Variants in ABCC1 observed in about 807,000 individuals in gnomAD.
The protein encoded by ABCC1 is ATP binding cassette subfamily C member 1 (ABCC1 blood group).
ABCC1 carries 83 observed loss-of-function variants against 172.9 expected under a neutral mutation model. The observed-to-expected ratio is 0.48, with a 90% CI of 0.40 to 0.58. ABCC1 has a LOEUF of 0.58. ABCC1 is among the 20% of genes least tolerant of loss of function. The probability of loss-of-function intolerance (pLI) is 0.00; values close to 1 mark genes in which losing one functional copy is unlikely to be tolerated. For synonymous variants in ABCC1, 937 were observed against 825.2 expected, an observed-to-expected ratio of 1.14 and a Z score of -2.32; for missense variants, 1,817 against 2,002.7, an observed-to-expected ratio of 0.91 and a Z score of 1.77.
chr16:16,136,981 C>T (rs1470791450), intron 29 of ABCC1, among the ~76,000 whole-genome samples: 2 of 152,180 alleles, frequency 1.3e-5, no homozygotes, highest in African/African-American at 4.8e-5. Context: ...GGTCCCCATG[C>T]ACTACCCCAG....
At chr16:16,029,217 TTTTTC>T (rs2048478398) in intron 5 of ABCC1, among the ~76,000 whole-genome samples, 1 of 152,110 alleles carries the variant, frequency 6.6e-6, no homozygotes, top group Non-Finnish European at 1.5e-5. Flanking sequence ...CCATGAGCTC[TTTTTC>T]TTTTCTTTTT....
At chr16:16,091,475 G>A (rs1205214370) in intron 19 of ABCC1, among the ~76,000 whole-genome samples, 1 of 152,044 alleles carries the variant, frequency 6.6e-6, no homozygotes, top group Non-Finnish European at 1.5e-5. Context: ...CAATGCCATG[G>A]GCTGAGGAGT....
intron 1 of ABCC1, among the ~76,000 whole-genome samples, chr16:15,980,040 C>T (rs2046585065): frequency 1.3e-5 from 2 of 151,938 alleles, no homozygotes; most frequent in South Asian, 2.1e-4. Flanking sequence ...GAGAGTGAGA[C>T]ATCGAAAAAA....
At chr16:16,071,293 T>C (rs917564216) in intron 13 of ABCC1, among the ~76,000 whole-genome samples, 7 of 151,276 alleles carry the variant, frequency 4.6e-5, no homozygotes, top group African/African-American at 1.7e-4. Context: ...AGGCGGGGTT[T>C]CACCATGTTG....
Position 16,009,722 on chromosome 16 carries a change from T to TG in ABCC1, c.226-49dup, listed in dbSNP as rs1216118575. ...GGGGCTGAGCTGTTCGTGCAGGCCC[T>TG]GGGGGAGGTTCCAGGGCGGTCTGTT... is the stretch of plus-strand genomic sequence containing the variant. On this transcript the variant is annotated intron_variant, in intron 2 of 30. Coordinates refer to ENST00000399410, the MANE Select transcript of ABCC1 (RefSeq NM_004996.4). 2.9e-5 allele frequency: 44 copies of TG among 1,513,474 alleles called. No individual in the cohort carries two copies. In the Middle Eastern group the frequency reaches 5.4e-4, roughly 18 times the overall value. The allele number at this position is 1,513,474 out of a possible 1,614,324, so 93.8% of individuals were successfully genotyped here. A position where few individuals can be genotyped will look rare whatever the true frequency, so the allele number is the denominator to read the frequency against.
chr16:16,090,736 CA>C, intron 19 of ABCC1, 148 bp downstream of exon 19: 1 of 878,084 alleles, frequency 1.1e-6, no homozygotes, highest in Non-Finnish European at 1.6e-6. Context: ...CCTAAAGAAG[CA>C]ATGTGGAAAA....
intron 2 of ABCC1, 104 bp downstream of exon 2, chr16:16,008,096 A>T (rs1202295422): frequency 1.7e-6 from 2 of 1,192,684 alleles, no homozygotes; most frequent in African/African-American, 3.1e-5. Flanking sequence ...GTTGACCCTA[A>T]GTTCCTTCTT....
intron 7 of ABCC1, among the ~76,000 whole-genome samples, chr16:16,040,009 G>T (rs535476448): frequency 3.9e-5 from 6 of 152,198 alleles, no homozygotes; most frequent in East Asian, 3.9e-4. Context: ...GAACACAGGC[G>T]CAGGTTTTCT....
intron 1 of ABCC1, among the ~76,000 whole-genome samples, chr16:15,960,431 A>G (rs988147067): frequency 6.6e-6 from 1 of 151,950 alleles, no homozygotes; most frequent in African/African-American, 2.4e-5. Context: ...CTTTTCATTC[A>G]TTCATTTATT....
chr16:15,954,560 G>C (rs999511612), intron 1 of ABCC1, among the ~76,000 whole-genome samples: 2 of 58,684 alleles, frequency 3.4e-5, no homozygotes, highest in African/African-American at 1.3e-4. Context: ...CTGGGCAGGA[G>C]TGGACTCAGG....
chr16:16,036,460 T>A lies in ABCC1; in HGVS notation c.678-12T>A. On this transcript the variant is annotated splice_polypyrimidine_tract_variant and intron_variant, in intron 6 of 30. Transcript: ENST00000399410. Reference sequence around the variant, plus strand: ...ACTCTCATTGCCTAACCCCCTTGTGTCTTGGCCCCAGGTTGATTGTCCGGG... The same window carrying A: ...ACTCTCATTGCCTAACCCCCTTGTGACTTGGCCCCAGGTTGATTGTCCGGG... 1 of 1,610,956 alleles carries A rather than the reference T, an allele frequency of 6.2e-7. No individual in the cohort carries two copies. Among genetic ancestry groups the A allele is most frequent in the Non-Finnish European group, 8.5e-7 (1 of 1,178,440 alleles).
chr16:16,121,019 A>C (rs958418194), intron 23 of ABCC1, among the ~76,000 whole-genome samples: 9 of 152,224 alleles, frequency 5.9e-5, no homozygotes, highest in African/African-American at 2.2e-4. Context: ...TTATCTACAG[A>C]AACAGCTATT....
intron 5 of ABCC1, among the ~76,000 whole-genome samples, chr16:16,023,222 A>G (rs1051478795): frequency 2.6e-5 from 4 of 152,120 alleles, no homozygotes; most frequent in Admixed American, 6.6e-5. Context: ...TTTTTTTGAT[A>G]TCTGAAACTT....
At chr16:16,110,942 C>T (rs2052359992) in intron 21 of ABCC1, among the ~76,000 whole-genome samples, 1 of 152,120 alleles carries the variant, frequency 6.6e-6, no homozygotes, top group Non-Finnish European at 1.5e-5. Flanking sequence ...ACTCTGTCGC[C>T]CAGGCTGGAG....
intron 5 of ABCC1, among the ~76,000 whole-genome samples, chr16:16,020,789 A>G (rs1418519276): frequency 2.0e-5 from 3 of 152,196 alleles, no homozygotes; most frequent in Non-Finnish European, 2.9e-5. Context: ...GGCTAGCACT[A>G]TGCTAAGTTC....
At chr16:15,979,280 A>G (rs2046563950) in intron 1 of ABCC1, among the ~76,000 whole-genome samples, 1 of 151,856 alleles carries the variant, frequency 6.6e-6, no homozygotes, top group African/African-American at 2.4e-5. Flanking sequence ...ACAGAGCAAG[A>G]CTCTGTCTCA....
rs1417219009 is a variant in ABCC1, at chr16:16,142,827, G to A, written c.*1546G>A. 3.3e-5 allele frequency: 5 copies of A among 152,534 alleles called. No individual in the cohort carries two copies. Among genetic ancestry groups the A allele is most frequent in the African/African-American group, 9.7e-5 (4 of 41,422 alleles). The allele number at this position is 152,534 out of a possible 1,614,324, so 9.4% of individuals were successfully genotyped here. On this transcript the variant is annotated 3_prime_UTR_variant, in exon 31 of 31. Coordinates refer to ENST00000399410, the MANE Select transcript of ABCC1 (RefSeq NM_004996.4). ...CTCGTTAGAGCCCAAAGTGGAATCC[G>A]GAAGGCAGCCAGAGCTGAGGCTGCC...
At chr16:16,132,288 G>A (rs1198204586) in intron 27 of ABCC1, among the ~76,000 whole-genome samples, 2 of 151,768 alleles carry the variant, frequency 1.3e-5, no homozygotes, top group African/African-American at 2.4e-5. Flanking sequence ...CTCCCAAGTG[G>A]GGGGACTACA....
At chr16:16,139,557 A>T (rs937471520) in intron 30 of ABCC1, among the ~76,000 whole-genome samples, 26 of 135,990 alleles carry the variant, frequency 1.9e-4, no homozygotes, top group African/African-American at 7.0e-4. Flanking sequence ...GGTTGCAGTG[A>T]GCTGAGATTG....
Sources: gnomAD v4.1 joint callset for allele counts (sites outside exome capture counted in the v4.1 genomes callset) on GRCh38, gnomAD v4.1.1 for gene constraint, MANE v1.5 for transcripts, NCBI Gene and HGNC (gene_info 2026-07-23, HGNC 2026-07-21) for gene names.